Variants in PDS5A observed in about 807,000 individuals in gnomAD.
PDS5A encodes the protein PDS5 cohesin associated factor A, also known as sister chromatid cohesion protein PDS5 homolog A.
PDS5A carries 42 observed loss-of-function variants against 167.1 expected under a neutral mutation model. The observed-to-expected ratio is 0.25, with a 90% CI of 0.20 to 0.33. The LOEUF is 0.33. Among genes scored for constraint, PDS5A ranks in the 10% least tolerant of loss-of-function variants. PDS5A has a pLI of 1.00. For missense variants in PDS5A, 1,033 were observed against 1,605.9 expected (o/e 0.64, Z 6.10); for synonymous variants, 553 against 554.6 (o/e 1.00, Z 0.04).
intron 29 of PDS5A, 145 bp from the exon 30 acceptor site, chr4:39,844,946 C>T: frequency 1.1e-6 from 1 of 879,004 alleles, no homozygotes; most frequent in Middle Eastern, 2.9e-4. Flanking sequence ...GCCAGGCATA[C>T]TGGCTCCTGA....
At chr4:39,895,914 C>CG (rs1484943377) in intron 16 of PDS5A, among the ~76,000 whole-genome samples, 1 of 151,200 alleles carries the variant, frequency 6.6e-6, no homozygotes, top group South Asian at 2.1e-4. Flanking sequence ...TTAGTAGAGA[C>CG]GGGGTCTCAC....
intron 2 of PDS5A, among the ~76,000 whole-genome samples, chr4:39,942,825 T>A (rs960604223): frequency 6.6e-6 from 1 of 152,052 alleles, no homozygotes; most frequent in Non-Finnish European, 1.5e-5. Flanking sequence ...GTCATTAGCA[T>A]AAAAATCGTG....
chr4:39,904,533 C>T (rs1472819287), intron 11 of PDS5A, among the ~76,000 whole-genome samples: 1 of 152,134 alleles, frequency 6.6e-6, no homozygotes, highest in South Asian at 2.1e-4. Flanking sequence ...GGGGTTTCAC[C>T]CTGTTAGCCA....
At chr4:39,896,197 C>G (rs943398030) in intron 16 of PDS5A, among the ~76,000 whole-genome samples, 1 of 151,734 alleles carries the variant, frequency 6.6e-6, no homozygotes, top group Non-Finnish European at 1.5e-5. Context: ...TGTGCGCCAC[C>G]ATGTGCAGCT....
intron 16 of PDS5A, among the ~76,000 whole-genome samples, chr4:39,896,742 G>A (rs1722448148): frequency 6.6e-6 from 1 of 151,268 alleles, no homozygotes; most frequent in African/African-American, 2.4e-5. Context: ...CTCCAGTCTG[G>A]GTGACAGAGC....
Position 39,869,034 on chromosome 4 carries a change from A to G in PDS5A, c.2505+360T>C, listed in dbSNP as rs574731179. 2.0e-5 allele frequency among the ~76,000 whole-genome samples: 3 copies of G among 152,342 alleles called. No individual in the cohort carries two copies. In the South Asian group the frequency reaches 6.2e-4, roughly 32 times the overall value. On this transcript the variant is annotated intron_variant, in intron 22 of 32. Coordinates refer to ENST00000303538, the MANE Select transcript of PDS5A (RefSeq NM_001100399.2). ...AACAGTCTCTCTATAAAACAGCCTC[A>G]TTAAGATTGCTTTAGCAGGCAGAAG...
At position 39,862,969 on chromosome 4, in the gene PDS5A, G is replaced by T; in HGVS notation, c.2871C>A (p.Ala957=). Residue 957 remains alanine (A), a synonymous_variant, in exon 25 of 33, where the codon GCC becomes GCA. Transcript: ENST00000303538. Reference sequence around the variant, plus strand: ...CTCTTCTCTCCTTCACAGGATCTTTGGCACACAAGGCAAAGATCGCCATAT... The same window carrying T: ...CTCTTCTCTCCTTCACAGGATCTTTTGCACACAAGGCAAAGATCGCCATAT... ...LEYMAIFALC[A]KDPVKERRAH... 1 of 1,613,294 alleles carries T rather than the reference G, an allele frequency of 6.2e-7. No homozygotes were observed. The highest frequency in any genetic ancestry group is 8.5e-7 in the Non-Finnish European group (1 of 1,179,506).
intron 23 of PDS5A, among the ~76,000 whole-genome samples, 160 bp from the exon 24 acceptor site, chr4:39,863,619 G>C (rs192423538): frequency 6.6e-6 from 1 of 152,146 alleles, no homozygotes; most frequent in East Asian, 1.9e-4. Context: ...ACTTAACACA[G>C]GGGATTGTGA....
chr4:39,861,766 T>A (rs1423843023), intron 26 of PDS5A, among the ~76,000 whole-genome samples: 3 of 152,180 alleles, frequency 2.0e-5, no homozygotes, highest in African/African-American at 7.2e-5. Flanking sequence ...ATATTACGTG[T>A]ACCTCATAAA....
chr4:39,875,406 TA>T (rs1720381109), intron 19 of PDS5A, among the ~76,000 whole-genome samples: 2 of 152,248 alleles, frequency 1.3e-5, no homozygotes, highest in South Asian at 4.1e-4. Context: ...ATAATCAGAA[TA>T]AAATTGATAA....
At chr4:39,940,205 C>T (rs184923554) in intron 2 of PDS5A, among the ~76,000 whole-genome samples, 68 of 151,684 alleles carry the variant, frequency 4.5e-4, no homozygotes, top group Admixed American at 1.6e-3. Context: ...GATGACAGAG[C>T]GAGACCCTGT....
chr4:39,853,798 T>C (rs1718312563), intron 26 of PDS5A, among the ~76,000 whole-genome samples: 1 of 152,238 alleles, frequency 6.6e-6, no homozygotes, highest in Admixed American at 6.5e-5. Context: ...GTCTAAACGA[T>C]ATGTATTCCT....
intron 2 of PDS5A, among the ~76,000 whole-genome samples, chr4:39,948,368 A>G (rs1222523851): frequency 3.5e-5 from 4 of 113,292 alleles, no homozygotes; most frequent in Admixed American, 2.6e-4. Context: ...CCCAGGCTGG[A>G]GTGCAATGGT....
At position 39,900,473 on chromosome 4, in the gene PDS5A, G is replaced by T; in HGVS notation, c.1534C>A (p.Leu512Ile). ...AATAGTTCGCGTACATGGCTCCGAA[G>T]CATGTTCTGACACTTCCACATTTCG... ...LNEMWKCQNMLRSHVRELLDL... is the reference protein window; with the variant it reads ...LNEMWKCQNMIRSHVRELLDL... Residue 512 changes from leucine to isoleucine, a missense_variant, in exon 14 of 33, where the codon CTT becomes ATT. By Grantham distance (5) the Leu-to-Ile change is conservative (BLOSUM62 2). This residue lies in a region of PDS5A where 45 missense variants were observed against 40.2 expected (regional missense o/e 1.12). Transcript: ENST00000303538. 1 of 1,584,228 alleles carries T rather than the reference G, an allele frequency of 6.3e-7. No individual in the cohort carries two copies. The highest frequency in any genetic ancestry group is 8.6e-7 in the Non-Finnish European group (1 of 1,163,164).
intron 23 of PDS5A, among the ~76,000 whole-genome samples, chr4:39,866,255 C>T (rs1252896824): frequency 6.6e-6 from 1 of 152,172 alleles, no homozygotes; most frequent in Admixed American, 6.5e-5. Flanking sequence ...GCTGGGATTA[C>T]AGGCATGTGC....
chr4:39,933,973 T>C (rs1726332151), intron 2 of PDS5A, among the ~76,000 whole-genome samples: 1 of 152,198 alleles, frequency 6.6e-6, no homozygotes, highest in African/African-American at 2.4e-5. Flanking sequence ...AGCTGTTGTG[T>C]GTATGTGTGT....
In PDS5A at chr4:39,917,027, AAG is replaced by A; in HGVS notation, c.876+19_876+20del. 7.1e-7 allele frequency: 1 copy of A among 1,405,586 alleles called. No homozygotes were observed. The highest frequency in any genetic ancestry group is 9.3e-7 in the Non-Finnish European group (1 of 1,072,572). 87.1% of individuals were successfully genotyped at this position (1,405,586 alleles called of 1,614,324 possible). On this transcript the variant is annotated intron_variant, in intron 8 of 32. Coordinates refer to ENST00000303538, the MANE Select transcript of PDS5A (RefSeq NM_001100399.2). ...GAAACAAAAAAATTAAAAAAAAAAAAAGAAAACTGGTCAATCTTACCTTTAGT... is the reference window on the plus strand; with the variant it reads ...GAAACAAAAAAATTAAAAAAAAAAAAAAAACTGGTCAATCTTACCTTTAGT...
intron 1 of PDS5A, among the ~76,000 whole-genome samples, chr4:39,976,850 C>A (rs1560535120): frequency 6.6e-6 from 1 of 152,140 alleles, no homozygotes; most frequent in Non-Finnish European, 1.5e-5. Flanking sequence ...GGCCGCCGAA[C>A]AGCGCCAGGA....
At chr4:39,960,125 C>T (rs1041280639) in intron 2 of PDS5A, among the ~76,000 whole-genome samples, 6 of 151,778 alleles carry the variant, frequency 4.0e-5, no homozygotes, top group Admixed American at 6.6e-5. Flanking sequence ...CAAAAAGTAG[C>T]TGGGCGTGGT....
Sources: gnomAD v4.1 joint callset for allele counts (sites outside exome capture counted in the v4.1 genomes callset) on GRCh38, gnomAD v4.1.1 for gene constraint, gnomAD v4.1.1 regional missense constraint, MANE v1.5 for transcripts, NCBI Gene and HGNC (gene_info 2026-07-23, HGNC 2026-07-21) for gene names.